The following KIAA1549 variants were observed in gnomAD, a reference collection of about 807,000 sequenced individuals.
The protein encoded by KIAA1549 is UPF0606 protein KIAA1549.
KIAA1549 carries 70 observed loss-of-function variants against 156.4 expected under a neutral mutation model. That is an observed-to-expected ratio of 0.45 (90% CI 0.37 to 0.55). The LOEUF (loss-of-function observed/expected upper bound fraction) is 0.55. KIAA1549 is among the 20% of genes least tolerant of loss of function. KIAA1549 has a pLI of 0.00. For missense variants in KIAA1549, 2,428 were observed against 2,540.9 expected, an observed-to-expected ratio of 0.96 and a Z score of 0.96; for synonymous variants, 1,103 against 1,066.4, an observed-to-expected ratio of 1.03 and a Z score of -0.67.
chr7:138,949,592 A>G (rs1813435173), intron 1 of KIAA1549, among the ~76,000 whole-genome samples: 1 of 152,284 alleles, frequency 6.6e-6, no homozygotes, highest in East Asian at 1.9e-4. Context: ...CTCCACAAAC[A>G]CCTAAACCAG....
chr7:138,935,692 G>A (rs1368744652), intron 1 of KIAA1549, among the ~76,000 whole-genome samples: 4 of 152,132 alleles, frequency 2.6e-5, no homozygotes, highest in East Asian at 1.9e-4. Context: ...CATCCACACC[G>A]ACGTCCAAGC....
chr7:138,919,709 C>T (rs1812502066), intron 1 of KIAA1549, among the ~76,000 whole-genome samples: 1 of 152,022 alleles, frequency 6.6e-6, no homozygotes, highest in Admixed American at 6.6e-5. Context: ...ACAGTTTTTC[C>T]CACAGAACCG....
At chr7:138,862,774 T>C (rs934721169) in intron 15 of KIAA1549, among the ~76,000 whole-genome samples, 1 of 152,000 alleles carries the variant, frequency 6.6e-6, no homozygotes, top group Non-Finnish European at 1.5e-5. Flanking sequence ...CTACTAAAAA[T>C]ATAAAAATTA....
chr7:138,895,202 A>C (rs190325375), intron 9 of KIAA1549, among the ~76,000 whole-genome samples: 2 of 152,360 alleles, frequency 1.3e-5, no homozygotes, highest in Non-Finnish European at 2.9e-5. Context: ...AAGTAAATGA[A>C]TCACCGAATA....
At chr7:138,954,358 T>C (rs2130544958) in intron 1 of KIAA1549, among the ~76,000 whole-genome samples, 1 of 152,244 alleles carries the variant, frequency 6.6e-6, no homozygotes, top group Non-Finnish European at 1.5e-5. Flanking sequence ...CATGGCTAAG[T>C]CGTACTGTGG....
At chr7:138,855,892 G>A (rs1050573660) in intron 16 of KIAA1549, among the ~76,000 whole-genome samples, 1 of 151,938 alleles carries the variant, frequency 6.6e-6, no homozygotes, top group East Asian at 1.9e-4. Flanking sequence ...TCTGCTCTGA[G>A]GATAAAAACC....
At chr7:138,869,978 TAGCTGGGA>T (rs1444447890) in intron 13 of KIAA1549, among the ~76,000 whole-genome samples, 1 of 151,906 alleles carries the variant, frequency 6.6e-6, no homozygotes, top group African/African-American at 2.4e-5. Flanking sequence ...GCCTGCCGAG[TAGCTGGGA>T]TTACAGACAC....
At position 138,917,628 on chromosome 7, in the gene KIAA1549, C is replaced by G; in HGVS notation, c.1998G>C (p.Leu666Phe). The G allele has an allele frequency of 6.2e-7, 1 of 1,613,716 alleles. No individual in the cohort carries two copies. Among genetic ancestry groups the G allele is most frequent in the Non-Finnish European group, 8.5e-7 (1 of 1,179,810 alleles). ...SPFTSQSFSP[L>F]VETFTLFDSS... ...AGTCAAACAATGTAAATGTCTCAAC[C>G]AAGGGAGAAAAAGACTGAGATGTGA... The change falls in exon 2 of 20, where the codon TTG becomes TTC. Residue 666 changes from leucine (L) to phenylalanine (F), a missense_variant. By Grantham distance (22) the Leu-to-Phe change is conservative. Around this residue, in one of 5 missense-constraint regions of KIAA1549, gnomAD observed 893 missense variants for 847.9 expected, o/e 1.05. Transcript: ENST00000422774.
chr7:138,889,541 C>A (rs1811492043), intron 10 of KIAA1549, among the ~76,000 whole-genome samples: 1 of 152,180 alleles, frequency 6.6e-6, no homozygotes, highest in South Asian at 2.1e-4. Flanking sequence ...CACAGGGTCC[C>A]TCAAGAAATA....
Position 138,833,073 on chromosome 7 carries a change from C to T in KIAA1549, c.*4833G>A, listed in dbSNP as rs939667744. 2 of 232,070 alleles carry T rather than the reference C, an allele frequency of 8.6e-6. No individual in the cohort carries two copies. The highest frequency in any genetic ancestry group is 4.4e-5 in the African/African-American group (2 of 45,288). 14.4% of individuals were successfully genotyped at this position (232,070 alleles called of 1,614,324 possible). Reference sequence around the variant, plus strand: ...GTCTGCCGGTACAGAAGTGGACTTCCTCCTGCTCCTGTCCAGGGCAAATGT... The same window carrying T: ...GTCTGCCGGTACAGAAGTGGACTTCTTCCTGCTCCTGTCCAGGGCAAATGT... On this transcript the variant is annotated 3_prime_UTR_variant, in exon 20 of 20. Transcript: ENST00000422774.
At chr7:138,940,032 T>C (rs183382646) in intron 1 of KIAA1549, among the ~76,000 whole-genome samples, 107 of 152,298 alleles carry the variant, frequency 7.0e-4, no homozygotes, top group African/African-American at 2.4e-3. Context: ...TTTTTTATTA[T>C]ACTTTAAGTT....
At chr7:138,903,325 A>G (rs1183815433) in intron 8 of KIAA1549, among the ~76,000 whole-genome samples, 2 of 152,218 alleles carry the variant, frequency 1.3e-5, no homozygotes, top group Admixed American at 6.5e-5. Context: ...CAACCCAGTA[A>G]GACAATTCTG....
chr7:138,931,752 C>CAAA (rs71169066), intron 1 of KIAA1549, among the ~76,000 whole-genome samples: 24 of 101,294 alleles, frequency 2.4e-4, no homozygotes, highest in Middle Eastern at 5.2e-3. Flanking sequence ...AGTCCCATCT[C>CAAA]AAAAAAAAAA....
At chr7:138,848,702 G>C (rs1810151080) in intron 17 of KIAA1549, among the ~76,000 whole-genome samples, 1 of 152,082 alleles carries the variant, frequency 6.6e-6, no homozygotes, top group African/African-American at 2.4e-5. Flanking sequence ...AATGAACGGA[G>C]AAGTGTTCTT....
chr7:138,845,155 G>A (rs955193480), intron 17 of KIAA1549, among the ~76,000 whole-genome samples: 1 of 152,052 alleles, frequency 6.6e-6, no homozygotes, highest in Non-Finnish European at 1.5e-5. Flanking sequence ...TGGAAAAAAA[G>A]TAAGTATTTA....
intron 1 of KIAA1549, among the ~76,000 whole-genome samples, chr7:138,937,603 G>A (rs539933648): frequency 1.3e-5 from 2 of 152,342 alleles, no homozygotes; most frequent in East Asian, 1.9e-4. Flanking sequence ...AGGAAAGGAT[G>A]AGGAGCCGAG....
At chr7:138,926,322 T>C (rs914509588) in intron 1 of KIAA1549, among the ~76,000 whole-genome samples, 1 of 152,100 alleles carries the variant, frequency 6.6e-6, no homozygotes, top group Admixed American at 6.5e-5. Flanking sequence ...GGTTTTGTTG[T>C]GTCAGCCAGG....
At position 138,869,614 on chromosome 7, in the gene KIAA1549, T is replaced by C; in HGVS notation, c.4699A>G (p.Arg1567Gly). The C allele has an allele frequency of 6.2e-7, 1 of 1,606,260 alleles. No homozygotes were observed. The highest frequency in any genetic ancestry group is 8.5e-7 in the Non-Finnish European group (1 of 1,177,482). ...DTKERHRVYRRAQMQIDKILD... is the reference protein window; with the variant it reads ...DTKERHRVYRGAQMQIDKILD... ...ATCTTGTCGATCTGCATCTGTGCCCTGCGGTACACCCGGTGTCGCTCCTTA... is the reference window on the plus strand; with the variant it reads ...ATCTTGTCGATCTGCATCTGTGCCCCGCGGTACACCCGGTGTCGCTCCTTA... Residue 1567 changes from arginine to glycine, a missense_variant, in exon 14 of 20, where the codon AGG (arginine) becomes GGG (glycine). Coordinates refer to ENST00000422774, the MANE Select transcript of KIAA1549 (RefSeq NM_001164665.2).
chr7:138,869,804 G>T, intron 13 of KIAA1549, 43 bp from the exon 14 acceptor site: 5 of 1,453,482 alleles, frequency 3.4e-6, no homozygotes, highest in South Asian at 1.2e-5. Flanking sequence ...TAGAGGTCCC[G>T]GGAAGCTTCT....
Sources: allele counts gnomAD v4.1 joint callset (sites outside exome capture counted in the v4.1 genomes callset), GRCh38; gene constraint gnomAD v4.1.1; regional missense constraint gnomAD v4.1.1; transcripts MANE v1.5; gene names NCBI Gene and HGNC (gene_info 2026-07-23, HGNC 2026-07-21).